ZMYM4: variants seen among roughly 807,000 people sequenced by gnomAD.
ZMYM4 encodes the protein zinc finger MYM-type protein 4.
In ZMYM4, 31 loss-of-function variants were observed where a neutral mutation model predicts 183.2. The observed-to-expected ratio is 0.17, with a 90% CI of 0.13 to 0.23. The LOEUF is 0.23. Among genes scored for constraint, ZMYM4 ranks in the 10% least tolerant of loss-of-function variants. The pLI is 1.00. For synonymous variants in ZMYM4, 592 were observed against 631.2 expected, an observed-to-expected ratio of 0.94 and a Z score of 0.93; for missense variants, 1,273 against 1,840.3, an observed-to-expected ratio of 0.69 and a Z score of 5.64.
At chr1:35,365,169 G>A (rs1242308166) in intron 5 of ZMYM4, among the ~76,000 whole-genome samples, 1 of 151,002 alleles carries the variant, frequency 6.6e-6, no homozygotes, top group Admixed American at 6.6e-5. Context: ...AGAGAGCTGA[G>A]AGATATAGAG....
intron 1 of ZMYM4, among the ~76,000 whole-genome samples, chr1:35,301,561 A>C (rs1012388345): frequency 6.6e-6 from 1 of 151,070 alleles, no homozygotes; most frequent in Admixed American, 6.6e-5. Flanking sequence ...AAAAAAAAAA[A>C]AGTCTTGTCT....
chr1:35,319,976 A>G (rs1292070952), intron 1 of ZMYM4, among the ~76,000 whole-genome samples: 1 of 152,218 alleles, frequency 6.6e-6, no homozygotes, highest in African/African-American at 2.4e-5. Flanking sequence ...AGTTTTTGTT[A>G]TATTTTACGC....
chr1:35,270,884 A>G (rs1639564224), intron 1 of ZMYM4, among the ~76,000 whole-genome samples: 1 of 152,116 alleles, frequency 6.6e-6, no homozygotes, highest in African/African-American at 2.4e-5. Context: ...ATTTCATCGT[A>G]GTGTTTTGAA....
intron 1 of ZMYM4, among the ~76,000 whole-genome samples, chr1:35,305,167 A>G (rs894782505): frequency 7.2e-5 from 11 of 152,156 alleles, no homozygotes; most frequent in Non-Finnish European, 1.0e-4. Flanking sequence ...TAAAAAGTGC[A>G]TACCAAGTTA....
intron 1 of ZMYM4, among the ~76,000 whole-genome samples, chr1:35,272,946 C>T (rs960424399): frequency 6.6e-6 from 1 of 152,124 alleles, no homozygotes; most frequent in Non-Finnish European, 1.5e-5. Context: ...GATCTCCTGA[C>T]CTCGTGATCC....
intron 1 of ZMYM4, among the ~76,000 whole-genome samples, chr1:35,324,000 T>G (rs1172151360): frequency 6.6e-6 from 1 of 152,218 alleles, no homozygotes; most frequent in Non-Finnish European, 1.5e-5. Flanking sequence ...TAAATGTGTT[T>G]ATAAATTACC....
At position 35,393,750 on chromosome 1, in the gene ZMYM4, T is replaced by C. The variant is rs1162000822; in HGVS notation, c.2911+11T>C. 4 of 1,571,686 alleles carry C rather than the reference T, an allele frequency of 2.5e-6. No individual in the cohort carries two copies. In the African/African-American group the frequency reaches 5.5e-5, roughly 22 times the overall value. On this transcript the variant is annotated intron_variant, in intron 18 of 29. Transcript: ENST00000314607. Reference sequence around the variant, plus strand: ...AAGAATGCCAGACAGGTATGTTCCTTGGTCTTTCTTTCTTTATTAATTTTT... The same window carrying C: ...AAGAATGCCAGACAGGTATGTTCCTCGGTCTTTCTTTCTTTATTAATTTTT...
rs1009494718 is a variant in ZMYM4, at chr1:35,328,535, A to G, written c.85+3130A>G. Among the ~76,000 whole-genome samples, 174 of 150,930 alleles carry G rather than the reference A, an allele frequency of 1.2e-3. 1 individual carries two copies. Among genetic ancestry groups the G allele is most frequent in the African/African-American group, 4.1e-3 (167 of 40,924 alleles). ...GGTCTTAAACACCTGGCCTCAAACA[A>G]TCCTCCTGCCTTGGCCTCCCAAAGT... On this transcript the variant is annotated intron_variant, in intron 2 of 29. Coordinates refer to ENST00000314607, the MANE Select transcript of ZMYM4 (RefSeq NM_005095.3).
chr1:35,302,200 C>CCTTTTTTTTTTTTTT (rs1641311910), intron 1 of ZMYM4, among the ~76,000 whole-genome samples: 2 of 58,556 alleles, frequency 3.4e-5, no homozygotes, highest in African/African-American at 1.3e-4. Flanking sequence ...ACGGCTCTTG[C>CCTTTTTTTTTTTTTT]TTTTTTTTTT....
intron 9 of ZMYM4, 125 bp from the exon 10 acceptor site, chr1:35,385,317 C>T: frequency 9.5e-7 from 1 of 1,054,268 alleles, no homozygotes; most frequent in Non-Finnish European, 1.3e-6. Flanking sequence ...TTGAGGATTA[C>T]AATCATAAAA....
intron 1 of ZMYM4, among the ~76,000 whole-genome samples, chr1:35,324,477 A>G (rs1002817587): frequency 1.3e-5 from 2 of 152,184 alleles, no homozygotes; most frequent in Non-Finnish European, 2.9e-5. Context: ...TCTCTTTCAC[A>G]TAGGTTTCTT....
rs948019593 is a variant in ZMYM4 at position 35,414,774 on chromosome 1, G to T, written c.4060+691G>T. 2.0e-5 allele frequency among the ~76,000 whole-genome samples: 3 copies of T among 152,064 alleles called. No homozygotes were observed. The East Asian group carries it at 5.8e-4, about 29-fold the overall frequency. ...TATTAAATTCATGGCTGGGTGTGGT[G>T]GCTCACACCTGTGGTCCCAGGTGTG... On this transcript the variant is annotated intron_variant, in intron 27 of 29. Coordinates refer to ENST00000314607, the MANE Select transcript of ZMYM4 (RefSeq NM_005095.3).
intron 2 of ZMYM4, among the ~76,000 whole-genome samples, chr1:35,347,486 C>T (rs74732072): frequency 1.2e-3 from 176 of 152,040 alleles, no homozygotes; most frequent in Middle Eastern, 3.4e-3. Context: ...AGTTATAAAG[C>T]CCTTAATAAA....
At chr1:35,310,892 C>T (rs927483935) in intron 1 of ZMYM4, among the ~76,000 whole-genome samples, 1 of 151,962 alleles carries the variant, frequency 6.6e-6, no homozygotes, top group African/African-American at 2.4e-5. Flanking sequence ...TTTTCTTTTT[C>T]TAATTCACAC....
rs541669820 is a variant in ZMYM4 at position 35,328,983 on chromosome 1, C to T, written c.85+3578C>T. Among the ~76,000 whole-genome samples, 74 of 152,086 alleles carry T rather than the reference C, an allele frequency of 4.9e-4. No homozygotes were observed. In the Middle Eastern group the frequency reaches 0.02, roughly 42 times the overall value. On this transcript the variant is annotated intron_variant, in intron 2 of 29. Coordinates refer to ENST00000314607, the MANE Select transcript of ZMYM4 (RefSeq NM_005095.3). ...TGCTAGACCTACCATCTACTCATTG[C>T]CCAAGACCACCGGGATATGGGACCT...
chr1:35,407,861 T>G (rs1645031840), intron 25 of ZMYM4, 147 bp from the exon 26 acceptor site: 4 of 982,268 alleles, frequency 4.1e-6, no homozygotes, highest in Non-Finnish European at 4.5e-6. Context: ...GAAGTAGACT[T>G]GAGATCAGAA....
At chr1:35,274,815 C>T (rs1639791119) in intron 1 of ZMYM4, among the ~76,000 whole-genome samples, 1 of 151,950 alleles carries the variant, frequency 6.6e-6, no homozygotes, top group Admixed American at 6.6e-5. Flanking sequence ...CAATTATTGT[C>T]CCATTTTATA....
Position 35,282,993 on chromosome 1 carries a change from T to G in ZMYM4, c.39+13908T>G, listed in dbSNP as rs796115572. Among the ~76,000 whole-genome samples, 205 of 74,042 alleles carry G rather than the reference T, an allele frequency of 2.8e-3. 2 individuals are homozygous for G. Among genetic ancestry groups the G allele is most frequent in the African/African-American group, 0.019 (196 of 10,326 alleles). 48.6% of individuals were successfully genotyped at this position (74,042 alleles called of 152,430 possible). ...TCTGTGTGTGTGGTTTTTTTTTTTT[T>G]TTTTTTTTTTTTTTTTTTTTTTTGA... On this transcript the variant is annotated intron_variant, in intron 1 of 29. Coordinates refer to ENST00000314607, the MANE Select transcript of ZMYM4 (RefSeq NM_005095.3).
chr1:35,307,237 C>G (rs1045076472), intron 1 of ZMYM4, among the ~76,000 whole-genome samples: 1 of 152,090 alleles, frequency 6.6e-6, no homozygotes, highest in Non-Finnish European at 1.5e-5. Context: ...TGAATTTGAA[C>G]ATAAAAGTCC....
Sources: gnomAD v4.1 joint callset for allele counts (sites outside exome capture counted in the v4.1 genomes callset) on GRCh38, gnomAD v4.1.1 for gene constraint, MANE v1.5 for transcripts, NCBI Gene and HGNC (gene_info 2026-07-23, HGNC 2026-07-21) for gene names.